Variants in ZFP62 observed in about 807,000 individuals in gnomAD.
The protein encoded by ZFP62 is zinc finger protein 62 homolog.
In ZFP62, 44 loss-of-function variants were observed where a neutral mutation model predicts 56.4. The ratio of observed to expected loss-of-function variants is 0.78; its 90% CI spans 0.61 to 1.00. The LOEUF is 1.00. ZFP62 is among the 50% of genes least tolerant of loss of function. The pLI, the probability that ZFP62 is intolerant of heterozygous loss-of-function variation, is 0.00. For missense variants in ZFP62, 1,030 were observed against 1,085.7 expected, an observed-to-expected ratio of 0.95 and a Z score of 0.72; for synonymous variants, 421 against 388.9, an observed-to-expected ratio of 1.08 and a Z score of -0.97.
chr5:180,845,326 TAAAAAAAAAAAAA>T (rs772922940), downstream of ZFP62, among the ~76,000 whole-genome samples: 18 of 32,828 alleles, frequency 5.5e-4, no homozygotes, highest in East Asian at 3.8e-3. Context: ...GAGACCGTCT[TAAAAAAAAAAAAA>T]AAAAAAAAAA....
downstream of ZFP62, among the ~76,000 whole-genome samples, chr5:180,846,386 G>C (rs1168435847): frequency 6.6e-6 from 1 of 152,168 alleles, no homozygotes; most frequent in African/African-American, 2.4e-5. Context: ...TCAAGTACGG[G>C]AGCTCTCCTG....
At position 180,847,763 on chromosome 5, in the gene ZFP62, T is replaced by C. The variant is rs564844907; in HGVS notation, c.*1029A>G. Reference sequence around the variant, plus strand: ...CATGTCCTGCATGACATCTTTACAATAACACATTCCAAAAACAATCAAACA... The same window carrying C: ...CATGTCCTGCATGACATCTTTACAACAACACATTCCAAAAACAATCAAACA... On this transcript the variant is annotated 3_prime_UTR_variant, in exon 2 of 2. Transcript: ENST00000502412. The C allele has an allele frequency of 1.6e-4, 155 of 985,452 alleles. No individual in the cohort carries two copies. In the African/African-American group the frequency reaches 2.5e-3, roughly 16 times the overall value. 61.0% of individuals were successfully genotyped at this position (985,452 alleles called of 1,614,324 possible).
chr5:180,856,015 C>T (rs1362005357), intron 1 of ZFP62, among the ~76,000 whole-genome samples: 3 of 152,258 alleles, frequency 2.0e-5, no homozygotes, highest in Non-Finnish European at 4.4e-5. Flanking sequence ...TCAGCCTGAT[C>T]TGTCCTCCTT....
Position 180,848,991 on chromosome 5 carries a change from G to T in ZFP62, c.2504C>A (p.Thr835Asn). 1 of 1,551,720 alleles carries T rather than the reference G, an allele frequency of 6.4e-7. No homozygotes were observed. Among genetic ancestry groups the T allele is most frequent in the Non-Finnish European group, 8.7e-7 (1 of 1,146,968 alleles). ...SVLDQHKRIH[T>N]GKKPYRCNEC... is the part of the protein sequence containing the mutation. ...ATTACATCGGTATGGCTTCTTTCCA[G>T]TGTGGATCCTTTTGTGCTGGTCAAG... The change falls in exon 2 of 2, where the codon ACT becomes AAT. Residue 835 changes from threonine (T) to asparagine (N), a missense_variant. Transcript: ENST00000502412.
At chr5:180,838,202 G>C in the ZFP62 span, among the ~76,000 whole-genome samples, 24 of 152,200 alleles carry the variant, frequency 1.6e-4, no homozygotes, top group Middle Eastern at 3.4e-3. Flanking sequence ...CTGAAGCTAG[G>C]TGTTGGAGCC....
intron 1 of ZFP62, among the ~76,000 whole-genome samples, chr5:180,858,709 A>G (rs778416360): frequency 6.6e-6 from 1 of 152,210 alleles, no homozygotes; most frequent in Admixed American, 6.5e-5. Flanking sequence ...CTATAATCCA[A>G]TCAAGACTGA....
intron 1 of ZFP62, chr5:180,860,511 G>C (rs1774243778): frequency 6.6e-6 from 1 of 151,768 alleles, no homozygotes; most frequent in African/African-American, 2.4e-5. Flanking sequence ...GAAACTCTTC[G>C]ACCTTCCTCT....
rs1773589891 is a variant in ZFP62, at chr5:180,849,795, CCACATTCTT to C, written c.1691_1699del (p.Glu564_Cys566del). 5.8e-6 allele frequency: 9 copies of C among 1,551,864 alleles called. No homozygotes were observed. The highest frequency in any genetic ancestry group is 7.8e-6 in the Non-Finnish European group (9 of 1,147,100). On this transcript the variant is annotated inframe_deletion, in exon 2 of 2. Coordinates refer to ENST00000502412, the MANE Select transcript of ZFP62 (RefSeq NM_001172638.2). Reference sequence around the variant, plus strand: ...GCTCGAGAGAGAGATGTATGCTTTCCCACATTCTTCACATTTGTAAGGTCGTTCCCCAGT... The same window carrying C: ...GCTCGAGAGAGAGATGTATGCTTTCCCACATTTGTAAGGTCGTTCCCCAGT...
Position 180,849,900 on chromosome 5 carries a change from G to A in ZFP62, c.1595C>T (p.Pro532Leu), listed in dbSNP as rs1027092904. The change falls in exon 2 of 2, where the codon CCC becomes CTC. Residue 532 changes from proline (P) to leucine (L), a missense_variant. Coordinates refer to ENST00000502412, the MANE Select transcript of ZFP62 (RefSeq NM_001172638.2). The part of the protein sequence containing the change: ...QHKRIHTREK[P>L]FGCDECGKAF... Reference sequence around the variant, plus strand: ...TTTACCACACTCATCACACCCAAAGGGTTTTTCCCTGGTATGAATCCTTTT... The same window carrying A: ...TTTACCACACTCATCACACCCAAAGAGTTTTTCCCTGGTATGAATCCTTTT... 5 of 1,551,624 alleles carry A rather than the reference G, an allele frequency of 3.2e-6. 1 individual carries two copies. In the South Asian group the frequency reaches 5.9e-5, roughly 18 times the overall value.
chr5:180,830,919 G>C, the ZFP62 span: 1 of 152,344 alleles, frequency 6.6e-6, no homozygotes, highest in Non-Finnish European at 1.5e-5. Flanking sequence ...GTTGAACAAA[G>C]TGGAGATTCA....
At chr5:180,832,892 C>T in the ZFP62 span, 1 of 152,154 alleles carries the variant, frequency 6.6e-6, no homozygotes, top group African/African-American at 2.4e-5. Flanking sequence ...GTTTGAGAAC[C>T]GCTGTTCTAG....
downstream of ZFP62, among the ~76,000 whole-genome samples, chr5:180,846,890 G>C (rs1197942479): frequency 6.6e-6 from 1 of 152,198 alleles, no homozygotes; most frequent in Non-Finnish European, 1.5e-5. Flanking sequence ...GGTCAGGCTT[G>C]CCAGTGTCAT....
rs1773518413 is a variant in ZFP62 at position 180,848,853 on chromosome 5, T to C, written c.2642A>G (p.Gln881Arg). The C allele has an allele frequency of 5.2e-6, 8 of 1,551,432 alleles. No individual in the cohort carries two copies. The highest frequency in any genetic ancestry group is 6.1e-6 in the Non-Finnish European group (7 of 1,146,732). The change falls in exon 2 of 2, where the codon CAG becomes CGG. Residue 881 changes from glutamine to arginine, a missense_variant. Coordinates refer to ENST00000502412, the MANE Select transcript of ZFP62 (RefSeq NM_001172638.2). ...ATTCCCTCCCTCATAGGTTCTCTTCTGGGATGTGCCACTATAACTTCCCAC... is the reference window on the plus strand; with the variant it reads ...ATTCCCTCCCTCATAGGTTCTCTTCCGGGATGTGCCACTATAACTTCCCAC... ...IYVGSYSGTS[Q>R]KRTYEGGNAL... is the part of the protein sequence containing the mutation.
At chr5:180,844,108 C>A (rs555961536), downstream of ZFP62, among the ~76,000 whole-genome samples, 3 of 152,306 alleles carry the variant, frequency 2.0e-5, no homozygotes, top group South Asian at 6.2e-4. Flanking sequence ...GCAACCTTGA[C>A]TTTGTTGTTC....
intron 1 of ZFP62, among the ~76,000 whole-genome samples, chr5:180,854,723 T>A (rs1385481511): frequency 6.6e-6 from 1 of 152,174 alleles, no homozygotes; most frequent in East Asian, 1.9e-4. Context: ...TTACATGAAC[T>A]GAATCACCAG....
rs574491695 is a variant in ZFP62 at position 180,849,434 on chromosome 5, G to A, written c.2061C>T (p.Ser687=). ...VCGKAYISHS[S]LINHKSTHPG... ...GGTGGGTACTCTTATGGTTAATAAG[G>A]CTTGAGTGTGAGATGTAGGCTTTTC... The change falls in exon 2 of 2, where the codon AGC becomes AGT. Residue 687 remains serine, a synonymous_variant. Coordinates refer to ENST00000502412, the MANE Select transcript of ZFP62 (RefSeq NM_001172638.2). The A allele has an allele frequency of 1.3e-5, 20 of 1,551,072 alleles. No homozygotes were observed. The East Asian group carries it at 4.9e-4, about 38-fold the overall frequency.
chr5:180,850,265 G>C lies in ZFP62; in HGVS notation c.1230C>G (p.Val410=), dbSNP rs576832645. ...TCTTCCCAGGGTGAATGCTTTTATG[G>C]ACTGCGAGGCCTGAGCTATAGCTGA... ...KAFSYSSGLA[V]HKSIHPGKKA... Residue 410 remains valine, a synonymous_variant, in exon 2 of 2, where the codon GTC becomes GTG. Transcript: ENST00000502412. 1 of 1,554,968 alleles carries C rather than the reference G, an allele frequency of 6.4e-7. No individual in the cohort carries two copies. Among genetic ancestry groups the C allele is most frequent in the Non-Finnish European group, 8.7e-7 (1 of 1,149,020 alleles).
the ZFP62 span, among the ~76,000 whole-genome samples, chr5:180,827,151 G>A: frequency 2.0e-5 from 3 of 152,234 alleles, no homozygotes; most frequent in Non-Finnish European, 4.4e-5. Flanking sequence ...TTTCTCTTTC[G>A]GGTGACAGGA....
chr5:180,842,825 T>C (rs534076009), downstream of ZFP62, among the ~76,000 whole-genome samples: 2 of 152,234 alleles, frequency 1.3e-5, no homozygotes, highest in Admixed American at 1.3e-4. Flanking sequence ...GTGGATCACC[T>C]GAGGTCAGGA....
Sources: allele counts gnomAD v4.1 joint callset (sites outside exome capture counted in the v4.1 genomes callset), GRCh38; gene constraint gnomAD v4.1.1; transcripts MANE v1.5; gene names NCBI Gene and HGNC (gene_info 2026-07-23, HGNC 2026-07-21).